Variants in CDH20 observed in about 807,000 individuals in gnomAD.
CDH20 encodes cadherin-20.
In CDH20, 29 loss-of-function variants were observed where a neutral mutation model predicts 74.2. That is an observed-to-expected ratio of 0.39 (90% confidence interval 0.29 to 0.53). The LOEUF is 0.53. CDH20 is among the 20% of genes least tolerant of loss of function. CDH20 has a pLI of 0.69. For missense variants in CDH20, 988 were observed against 1,048.3 expected (o/e 0.94, Z 0.79); for synonymous variants, 469 against 405.4 (o/e 1.16, Z -1.88).
chr18:61,458,978 C>A (rs1027833814), intron 1 of CDH20, among the ~76,000 whole-genome samples: 2 of 152,166 alleles, frequency 1.3e-5, no homozygotes, highest in Admixed American at 6.5e-5. Flanking sequence ...TTCTGAACAG[C>A]TTTACAACTT....
intron 1 of CDH20, among the ~76,000 whole-genome samples, chr18:61,344,918 ATCT>A (rs762763758): frequency 1.3e-5 from 2 of 152,134 alleles, no homozygotes; most frequent in Non-Finnish European, 2.9e-5. Flanking sequence ...TCCTTTGGTT[ATCT>A]TCTGTCTTAT....
At chr18:61,504,705 A>G (rs558096465) in intron 5 of CDH20, among the ~76,000 whole-genome samples, 35 of 152,244 alleles carry the variant, frequency 2.3e-4, no homozygotes, top group Admixed American at 4.6e-4. Flanking sequence ...CTTAAAAAAG[A>G]AAAACTAAAC....
intron 1 of CDH20, 30 bp from the exon 2 acceptor site, chr18:61,490,372 C>T: frequency 1.7e-6 from 1 of 602,212 alleles, no homozygotes; most frequent in Non-Finnish European, 2.9e-6. Flanking sequence ...AATCTGACAT[C>T]ATCACACTGT....
chr18:61,528,446 GAC>G (rs1555683467), intron 7 of CDH20, among the ~76,000 whole-genome samples: 44 of 97,724 alleles, frequency 4.5e-4, no homozygotes, highest in East Asian at 1.5e-3. Context: ...AATTGGTTGA[GAC>G]ACACACACAC....
chr18:61,417,841 T>C (rs545111875), intron 1 of CDH20, among the ~76,000 whole-genome samples: 7 of 152,248 alleles, frequency 4.6e-5, no homozygotes, highest in African/African-American at 1.7e-4. Context: ...AAATGATAAA[T>C]ACTTGAGGTG....
intron 11 of CDH20, among the ~76,000 whole-genome samples, chr18:61,551,240 CTCT>C (rs1430264567): frequency 3.3e-5 from 5 of 152,206 alleles, no homozygotes; most frequent in South Asian, 2.1e-4. Flanking sequence ...TATATCCTTG[CTCT>C]TCTTATTGAA....
At chr18:61,403,782 T>A (rs1408434861) in intron 1 of CDH20, among the ~76,000 whole-genome samples, 1 of 152,198 alleles carries the variant, frequency 6.6e-6, no homozygotes, top group African/African-American at 2.4e-5. Context: ...GGAATATAAA[T>A]CATTCTATTA....
intron 2 of CDH20, among the ~76,000 whole-genome samples, chr18:61,494,150 G>A (rs1911053746): frequency 6.6e-6 from 1 of 152,184 alleles, no homozygotes; most frequent in Admixed American, 6.5e-5. Context: ...AGGTAGCAGG[G>A]AAGCCCAGAC....
rs1466884186 is a variant in CDH20 at position 61,555,185 on chromosome 18, C to T, written c.*490C>T. The T allele has an allele frequency of 1.0e-6, 1 of 987,474 alleles. No homozygotes were observed. The highest frequency in any genetic ancestry group is 1.8e-5 in the African/African-American group (1 of 56,810). 61.2% of individuals were successfully genotyped at this position (987,474 alleles called of 1,614,324 possible). ...ACAAGAAAGAACAAAAAACTTGTTA[C>T]TCAGTGAAATTAACCTACTTGTTCT... On this transcript the variant is annotated 3_prime_UTR_variant, in exon 12 of 12. Coordinates refer to ENST00000262717, the MANE Select transcript of CDH20 (RefSeq NM_031891.4).
chr18:61,522,047 C>T (rs1233452444), intron 6 of CDH20, among the ~76,000 whole-genome samples: 1 of 152,038 alleles, frequency 6.6e-6, no homozygotes, highest in African/African-American at 2.4e-5. Flanking sequence ...CTATTCAACA[C>T]AGTATTGGAA....
chr18:61,462,724 A>AG (rs140545583), intron 1 of CDH20, among the ~76,000 whole-genome samples: 10 of 81,526 alleles, frequency 1.2e-4, no homozygotes, highest in South Asian at 7.7e-4. Flanking sequence ...AAAAAAAAAA[A>AG]GGGGGGGGGG....
intron 9 of CDH20, among the ~76,000 whole-genome samples, chr18:61,541,768 T>C (rs182498386): frequency 5.8e-4 from 88 of 152,336 alleles, no homozygotes; most frequent in African/African-American, 1.7e-3. Context: ...ATCTGACAAG[T>C]CCAGACACAT....
intron 1 of CDH20, among the ~76,000 whole-genome samples, chr18:61,481,927 C>A (rs1910603582): frequency 6.6e-6 from 1 of 151,980 alleles, no homozygotes; most frequent in Non-Finnish European, 1.5e-5. Flanking sequence ...TGTTTCAAAC[C>A]AATATCCCCA....
chr18:61,524,662 C>A (rs142562093), intron 6 of CDH20, among the ~76,000 whole-genome samples: 2 of 152,316 alleles, frequency 1.3e-5, no homozygotes, highest in African/African-American at 4.8e-5. Flanking sequence ...CGCCAGTAAT[C>A]CCAGCACTTT....
intron 1 of CDH20, among the ~76,000 whole-genome samples, chr18:61,398,934 GC>G (rs150239003): frequency 0.011 from 1,624 of 152,292 alleles, 25 homozygotes; most frequent in Non-Finnish European, 0.016. Context: ...GACAGGGTAG[GC>G]CCTTTGATCC....
intron 10 of CDH20, among the ~76,000 whole-genome samples, chr18:61,547,677 T>G (rs1028433610): frequency 6.6e-6 from 1 of 152,126 alleles, no homozygotes; most frequent in African/African-American, 2.4e-5. Flanking sequence ...GCATTAAAAC[T>G]GGGATTAGAA....
At chr18:61,514,500 C>T (rs561588953) in intron 6 of CDH20, among the ~76,000 whole-genome samples, 60 of 152,224 alleles carry the variant, frequency 3.9e-4, no homozygotes, top group Non-Finnish European at 6.6e-4. Context: ...TCTCTCAGCT[C>T]GTCAAAGTCA....
intron 1 of CDH20, among the ~76,000 whole-genome samples, chr18:61,384,770 C>A (rs1911540966): frequency 6.6e-6 from 1 of 151,848 alleles, no homozygotes; most frequent in Non-Finnish European, 1.5e-5. Flanking sequence ...AACTAAAAAG[C>A]AAATTTGAGA....
At chr18:61,533,428 T>C (rs1438050580) in intron 7 of CDH20, among the ~76,000 whole-genome samples, 2 of 152,228 alleles carry the variant, frequency 1.3e-5, no homozygotes, top group Non-Finnish European at 2.9e-5. Context: ...ATTAAGTACA[T>C]AGTAAAGTGC....
Sources: allele counts gnomAD v4.1 joint callset (sites outside exome capture counted in the v4.1 genomes callset), GRCh38; gene constraint gnomAD v4.1.1; transcripts MANE v1.5; gene names NCBI Gene and HGNC (gene_info 2026-07-23, HGNC 2026-07-21).